Variants in SEL1L3 observed in about 807,000 individuals in gnomAD.
The protein encoded by SEL1L3 is protein sel-1 homolog 3.
In SEL1L3, 76 loss-of-function variants were observed where a neutral mutation model predicts 142.8. The ratio of observed to expected loss-of-function variants is 0.53; its 90% confidence interval spans 0.44 to 0.64. The LOEUF is 0.64. SEL1L3 is among the 30% of genes least tolerant of loss of function. SEL1L3 has a pLI of 0.00. For synonymous variants in SEL1L3, 504 were observed against 519.6 expected, an observed-to-expected ratio of 0.97 and a Z score of 0.41; for missense variants, 1,262 against 1,381.7, an observed-to-expected ratio of 0.91 and a Z score of 1.37.
At chr4:25,821,012 G>A (rs921680311) in intron 7 of SEL1L3, among the ~76,000 whole-genome samples, 1 of 152,158 alleles carries the variant, frequency 6.6e-6, no homozygotes, top group Non-Finnish European at 1.5e-5. Context: ...ACAGGTGTGA[G>A]CCACCACGCT....
intron 23 of SEL1L3, chr4:25,757,017 C>T (rs1718009987): frequency 2.7e-6 from 3 of 1,102,194 alleles, no homozygotes; most frequent in South Asian, 4.0e-5. Context: ...CCTGTAATCC[C>T]AGCACTTCAG....
intron 20 of SEL1L3, among the ~76,000 whole-genome samples, chr4:25,764,126 A>G (rs1191906805): frequency 6.6e-6 from 1 of 152,216 alleles, no homozygotes; most frequent in Non-Finnish European, 1.5e-5. Flanking sequence ...TATAACCTCA[A>G]TCTATTCAAG....
At chr4:25,854,666 C>T (rs549824304) in intron 1 of SEL1L3, among the ~76,000 whole-genome samples, 11 of 152,120 alleles carry the variant, frequency 7.2e-5, no homozygotes, top group Admixed American at 1.3e-4. Context: ...ATAGGAGAAA[C>T]GGGGTGAATA....
At chr4:25,777,686 G>A (rs148859935) in intron 16 of SEL1L3, 75 of 384,450 alleles carry the variant, frequency 2.0e-4, no homozygotes, top group African/African-American at 1.3e-3. Flanking sequence ...TTAACAAGAG[G>A]ATAACAGAAA....
In SEL1L3 at chr4:25,767,841, A is replaced by T. The variant is rs778134296; in HGVS notation, c.2670-11T>A. On this transcript the variant is annotated splice_polypyrimidine_tract_variant and intron_variant, in intron 17 of 23. Transcript: ENST00000399878. ...AGCAAAGCTTCATGCCTAAAAATAG[A>T]TGATTAATAATAAATTTCATATAGT... The T allele has an allele frequency of 1.4e-6, 2 of 1,480,314 alleles. No homozygotes were observed. The highest frequency in any genetic ancestry group is 9.2e-7 in the Non-Finnish European group (1 of 1,081,604). 91.7% of individuals were successfully genotyped at this position (1,480,314 alleles called of 1,614,324 possible). A position where few individuals can be genotyped will look rare whatever the true frequency, so the allele number is the denominator to read the frequency against.
intron 23 of SEL1L3, among the ~76,000 whole-genome samples, chr4:25,753,198 CAG>C (rs1339078353): frequency 6.6e-6 from 1 of 152,220 alleles, no homozygotes; most frequent in East Asian, 1.9e-4. Flanking sequence ...CTATATATCA[CAG>C]AGCATATAAA....
intron 23 of SEL1L3, chr4:25,756,795 T>C (rs1295221361): frequency 8.2e-7 from 1 of 1,224,120 alleles, no homozygotes; most frequent in African/African-American, 1.6e-5. Context: ...TTTTATTCAT[T>C]ACGAGTGTTT....
At position 25,757,722 on chromosome 4, in the gene SEL1L3, C is replaced by T. The variant is rs913079679; in HGVS notation, c.3152G>A (p.Arg1051Gln). ...GTGCAGGATAGCACCCCAGAGAAGCCGCAAGTGCAGGTAAAGCCAGGCCAA... is the reference window on the plus strand; with the variant it reads ...GTGCAGGATAGCACCCCAGAGAAGCTGCAAGTGCAGGTAAAGCCAGGCCAA... Reference protein sequence around the residue: ...CSLAWLYLHLRLLWGAILHSA... With the variant: ...CSLAWLYLHLQLLWGAILHSA... The change falls in exon 22 of 24, where the codon CGG becomes CAG. Residue 1051 changes from arginine (R) to glutamine (Q), a missense_variant. Physicochemically the swap from Arg to Gln is conservative, Grantham distance 43. This residue lies in a region of SEL1L3 where 138 missense variants were observed against 129.7 expected (regional missense o/e 1.06). Transcript: ENST00000399878. 1.6e-5 allele frequency: 25 copies of T among 1,598,040 alleles called. No individual in the cohort carries two copies. Among genetic ancestry groups the T allele is most frequent in the Non-Finnish European group, 2.0e-5 (23 of 1,172,594 alleles).
intron 12 of SEL1L3, among the ~76,000 whole-genome samples, chr4:25,789,623 T>C (rs1024907999): frequency 1.3e-5 from 2 of 151,010 alleles, no homozygotes; most frequent in African/African-American, 4.9e-5. Flanking sequence ...ACTGTCTGCT[T>C]TGTCAATGCC....
intron 23 of SEL1L3, 76 bp downstream of exon 23, chr4:25,757,457 CA>C (rs879068722): frequency 0.19 from 75,362 of 402,638 alleles, 812 homozygotes; most frequent in Middle Eastern, 0.23. Context: ...TCCAGTAGAC[CA>C]AAAAAAAAAA....
chr4:25,799,780 T>C (rs1183404226), intron 11 of SEL1L3, among the ~76,000 whole-genome samples: 1 of 152,176 alleles, frequency 6.6e-6, no homozygotes, highest in East Asian at 1.9e-4. Flanking sequence ...TTTTGCAGTA[T>C]GTGACAATGA....
chr4:25,823,166 T>C (rs896219745), intron 6 of SEL1L3, among the ~76,000 whole-genome samples: 1 of 152,226 alleles, frequency 6.6e-6, no homozygotes, highest in African/African-American at 2.4e-5. Context: ...GATATTTAAC[T>C]GTATTTTTAC....
At chr4:25,722,383 T>C in the SEL1L3 span, among the ~76,000 whole-genome samples, 1 of 152,136 alleles carries the variant, frequency 6.6e-6, no homozygotes, top group Non-Finnish European at 1.5e-5. Context: ...GTCTTAATCA[T>C]CCTTATGTCA....
the SEL1L3 span, among the ~76,000 whole-genome samples, chr4:25,715,716 T>C: frequency 6.6e-6 from 1 of 152,106 alleles, no homozygotes; most frequent in African/African-American, 2.4e-5. Flanking sequence ...ATTCATATTA[T>C]GGAATATTAT....
intron 11 of SEL1L3, among the ~76,000 whole-genome samples, chr4:25,795,060 T>TGGGGGGGGGG (rs199884490): frequency 4.3e-4 from 18 of 42,062 alleles, no homozygotes; most frequent in East Asian, 1.2e-3. Flanking sequence ...TCTTGGGGGG[T>TGGGGGGGGGG]GGGGGGGAGG....
chr4:25,757,717 G>C lies in SEL1L3; in HGVS notation c.3157C>G (p.Leu1053Val). The C allele has an allele frequency of 6.3e-7, 1 of 1,597,078 alleles. No individual in the cohort carries two copies. The highest frequency in any genetic ancestry group is 1.1e-5 in the South Asian group (1 of 87,792). ...GCTGAGTGCAGGATAGCACCCCAGA[G>C]AAGCCGCAAGTGCAGGTAAAGCCAG... ...LAWLYLHLRL[L>V]WGAILHSALI... Residue 1053 changes from leucine (L) to valine (V), a missense_variant, in exon 22 of 24, where the codon CTC becomes GTC. Physicochemically the swap from Leu to Val is conservative, Grantham distance 32. This residue lies in a region of SEL1L3 where 138 missense variants were observed against 129.7 expected (regional missense o/e 1.06). Coordinates refer to ENST00000399878, the MANE Select transcript of SEL1L3 (RefSeq NM_015187.5).
chr4:25,717,284 C>A, the SEL1L3 span, among the ~76,000 whole-genome samples: 2 of 152,258 alleles, frequency 1.3e-5, no homozygotes, highest in South Asian at 2.1e-4. Context: ...GGCTGTGTGA[C>A]AAGAACTAGG....
At chr4:25,775,203 T>C (rs116781581) in intron 17 of SEL1L3, among the ~76,000 whole-genome samples, 1 of 152,128 alleles carries the variant, frequency 6.6e-6, no homozygotes, top group Non-Finnish European at 1.5e-5. Flanking sequence ...CTGAAAAAAA[T>C]CTCTTTTTGA....
At chr4:25,794,578 G>A (rs1712581848) in intron 11 of SEL1L3, among the ~76,000 whole-genome samples, 1 of 152,210 alleles carries the variant, frequency 6.6e-6, no homozygotes, top group South Asian at 2.1e-4. Context: ...ATGCTGGTGA[G>A]GCTGTGGAGA....
Sources: gnomAD v4.1 joint callset for allele counts (sites outside exome capture counted in the v4.1 genomes callset) on GRCh38, gnomAD v4.1.1 for gene constraint, gnomAD v4.1.1 regional missense constraint, MANE v1.5 for transcripts, NCBI Gene and HGNC (gene_info 2026-07-23, HGNC 2026-07-21) for gene names.